The following VDR variants were observed in gnomAD, a reference collection of about 807,000 sequenced individuals.
VDR encodes vitamin D3 receptor.
VDR carries 19 observed loss-of-function variants against 39.7 expected under a neutral mutation model. The ratio of observed to expected loss-of-function variants is 0.48; its 90% CI spans 0.33 to 0.70. The LOEUF (loss-of-function observed/expected upper bound fraction) is 0.70. Among genes scored for constraint, VDR ranks in the 30% least tolerant of loss-of-function variants. The probability of loss-of-function intolerance (pLI) is 0.02; values close to 1 mark genes in which losing one functional copy is unlikely to be tolerated. For synonymous variants in VDR, 242 were observed against 215.8 expected (o/e 1.12, Z -1.07); for missense variants, 442 against 570.5 (o/e 0.77, Z 2.29).
chr12:47,889,024 A>T (rs1254472393), intron 1 of VDR, among the ~76,000 whole-genome samples: 3 of 152,148 alleles, frequency 2.0e-5, no homozygotes, highest in Non-Finnish European at 2.9e-5. Flanking sequence ...TGTATTCCAT[A>T]TGTACAATTA....
At chr12:47,846,596 C>T (rs753627579) in intron 8 of VDR, 61 bp downstream of exon 8, 60 of 1,608,088 alleles carry the variant, frequency 3.7e-5, no homozygotes, top group East Asian at 1.6e-4. Context: ...AACCCCAGGA[C>T]GGGTGGAGCC....
chr12:47,851,153 A>G lies in VDR; in HGVS notation c.756-4345T>C, dbSNP rs190048238. On this transcript the variant is annotated intron_variant, in intron 7 of 9. Transcript: ENST00000549336. ...GGCAATGAAGGTGAAGGCATTTAGC[A>G]GAAGAGGGCAGGGCTGCAGCTTATG... Among the ~76,000 whole-genome samples, 63 of 152,286 alleles carry G rather than the reference A, an allele frequency of 4.1e-4. 1 individual carries two copies. Among genetic ancestry groups the G allele is most frequent in the Admixed American group, 4.1e-3 (62 of 15,288 alleles).
Position 47,844,512 on chromosome 12 carries a change from TCAAA to T in VDR, c.*230_*233del. 3.2e-6 allele frequency: 2 copies of T among 630,742 alleles called. No homozygotes were observed. The highest frequency in any genetic ancestry group is 5.5e-6 in the Non-Finnish European group (2 of 366,022). The allele number at this position is 630,742 out of a possible 1,614,324, so 39.1% of individuals were successfully genotyped here. A position where few individuals can be genotyped will look rare whatever the true frequency, so the allele number is the denominator to read the frequency against. On this transcript the variant is annotated 3_prime_UTR_variant, in exon 10 of 10. Transcript: ENST00000549336. ...CTCTGCCCCCACTTGGGTTTCTTTG[TCAAA>T]CAAACAGCAACTCCTCATGGCTGAG...
chr12:47,844,627 A>G lies in VDR; in HGVS notation c.*119T>C. On this transcript the variant is annotated 3_prime_UTR_variant, in exon 10 of 10. Coordinates refer to ENST00000549336, the MANE Select transcript of VDR (RefSeq NM_000376.3). Reference sequence around the variant, plus strand: ...GGGCTGGGTGGATAGGGGAGGTGGCAGAGGAGGGGCTGAACCCCAGACGGG... The same window carrying G: ...GGGCTGGGTGGATAGGGGAGGTGGCGGAGGAGGGGCTGAACCCCAGACGGG... The G allele has an allele frequency of 7.2e-7, 1 of 1,394,834 alleles. No homozygotes were observed. Among genetic ancestry groups the G allele is most frequent in the Non-Finnish European group, 9.9e-7 (1 of 1,007,744 alleles). The allele number at this position is 1,394,834 out of a possible 1,614,324, so 86.4% of individuals were successfully genotyped here.
At chr12:47,897,490 A>G in intron 1 of VDR, among the ~76,000 whole-genome samples, 1 of 152,182 alleles carries the variant, frequency 6.6e-6, no homozygotes, top group Non-Finnish European at 1.5e-5. Flanking sequence ...CACAGACTGG[A>G]TAGGTAATTA....
chr12:47,856,257 G>A (rs1017372115), intron 6 of VDR, among the ~76,000 whole-genome samples: 1 of 152,208 alleles, frequency 6.6e-6, no homozygotes, highest in Admixed American at 6.5e-5. Context: ...GGGCTGGGGT[G>A]CTAAAGGAGG....
In VDR at chr12:47,844,743, T is replaced by C; in HGVS notation, c.*3A>G. The stretch of plus-strand genomic sequence containing the variant: ...ACCCAGGCACCGCCACAGGCTGTCC[T>C]AGTCAGGAGATCTCATTGCCAAACA... On this transcript the variant is annotated 3_prime_UTR_variant, in exon 10 of 10. Transcript: ENST00000549336. The C allele has an allele frequency of 3.1e-6, 5 of 1,613,948 alleles. No homozygotes were observed. Among genetic ancestry groups the C allele is most frequent in the Non-Finnish European group, 3.4e-6 (4 of 1,179,962 alleles).
intron 4 of VDR, among the ~76,000 whole-genome samples, chr12:47,859,909 C>G (rs1945582212): frequency 6.5e-5 from 3 of 45,972 alleles, no homozygotes; most frequent in African/African-American, 3.6e-4. Flanking sequence ...TTCCTTCCTT[C>G]CTTCCTTCTT....
intron 7 of VDR, among the ~76,000 whole-genome samples, chr12:47,848,548 T>C (rs911344415): frequency 3.4e-5 from 5 of 145,450 alleles, no homozygotes; most frequent in Non-Finnish European, 6.0e-5. Flanking sequence ...ATGCTTGTTT[T>C]CTACTCCTTT....
At chr12:47,880,011 T>G (rs1477806008) in intron 2 of VDR, among the ~76,000 whole-genome samples, 1 of 152,102 alleles carries the variant, frequency 6.6e-6, no homozygotes, top group Admixed American at 6.5e-5. Context: ...GCCCCCAGCT[T>G]TGTCTGCTGC....
chr12:47,867,156 C>T (rs1945753910), intron 3 of VDR, among the ~76,000 whole-genome samples: 3 of 152,102 alleles, frequency 2.0e-5, no homozygotes, highest in African/African-American at 7.2e-5. Context: ...GAGTTTGAGA[C>T]CAGCCTGACC....
Position 47,859,492 on chromosome 12 carries a change from C to G in VDR, c.278-1804G>C, listed in dbSNP as rs565141891. ...TGCATTTCCAGTTGTGCTAGGTGCCCGTCCAGCTGGGTTTTCTCTCCCCCA... is the reference window on the plus strand; with the variant it reads ...TGCATTTCCAGTTGTGCTAGGTGCCGGTCCAGCTGGGTTTTCTCTCCCCCA... On this transcript the variant is annotated intron_variant, in intron 4 of 9. Transcript: ENST00000549336. Among the ~76,000 whole-genome samples the G allele has an allele frequency of 3.3e-5, 5 of 152,302 alleles. No homozygotes were observed. The South Asian group carries it at 8.3e-4, about 25-fold the overall frequency.
intron 3 of VDR, among the ~76,000 whole-genome samples, chr12:47,875,363 G>T (rs889158920): frequency 6.6e-6 from 1 of 152,186 alleles, no homozygotes. Context: ...ATCAGGAAAT[G>T]GTCAAGCAAG....
chr12:47,897,646 T>C (rs1005790945), intron 1 of VDR, among the ~76,000 whole-genome samples: 1 of 152,302 alleles, frequency 6.6e-6, no homozygotes, highest in East Asian at 1.9e-4. Context: ...CCAGTAGTCC[T>C]AGCAGGGTAT....
intron 3 of VDR, among the ~76,000 whole-genome samples, chr12:47,869,649 C>G (rs767370894): frequency 4.0e-5 from 6 of 151,542 alleles, no homozygotes; most frequent in Admixed American, 6.6e-5. Flanking sequence ...AAGCCCAGCA[C>G]TTTGGGAGGC....
chr12:47,855,918 C>T (rs979231334), intron 6 of VDR, 117 bp from the exon 7 acceptor site: 27 of 1,201,770 alleles, frequency 2.2e-5, no homozygotes, highest in Non-Finnish European at 3.2e-5. Flanking sequence ...GGGAATCCCA[C>T]AGTGACTCCA....
chr12:47,893,836 C>A (rs1288060618), intron 1 of VDR, among the ~76,000 whole-genome samples: 2 of 152,268 alleles, frequency 1.3e-5, no homozygotes, highest in African/African-American at 4.8e-5. Context: ...CAGATAGGCA[C>A]ATGCCAGTCC....
chr12:47,903,187 G>T (rs1592162140), intron 1 of VDR, among the ~76,000 whole-genome samples: 1 of 152,242 alleles, frequency 6.6e-6, no homozygotes, highest in Non-Finnish European at 1.5e-5. Flanking sequence ...CCTTTAGCTT[G>T]GTAAGGGTCC....
rs1211412134 is a variant in VDR, at chr12:47,858,549, CCA to C, written c.278-863_278-862del. Among the ~76,000 whole-genome samples the C allele has an allele frequency of 2.0e-5, 3 of 152,366 alleles. No individual in the cohort carries two copies. The East Asian group carries it at 5.8e-4, about 29-fold the overall frequency. ...TGTGGGGCCATAGAGAGCCCCACCA[CCA>C]CCTGCAGGCTTCTGCCTGCCTCCCT... On this transcript the variant is annotated intron_variant, in intron 4 of 9. Transcript: ENST00000549336.
Sources: gnomAD v4.1 joint callset for allele counts (sites outside exome capture counted in the v4.1 genomes callset) on GRCh38, gnomAD v4.1.1 for gene constraint, MANE v1.5 for transcripts, NCBI Gene and HGNC (gene_info 2026-07-23, HGNC 2026-07-21) for gene names.